UNC5D: variants seen among roughly 807,000 people sequenced by gnomAD.
The protein encoded by UNC5D is unc-5 netrin receptor D, also known as netrin receptor UNC5D.
In UNC5D, 39 loss-of-function variants were observed where a neutral mutation model predicts 105.4. That is an observed-to-expected ratio of 0.37 (90% CI 0.29 to 0.48). The LOEUF (loss-of-function observed/expected upper bound fraction) is 0.48, where lower values mean the gene tolerates loss of function less well. UNC5D is among the 20% of genes least tolerant of loss of function. UNC5D has a pLI of 0.98. For synonymous variants in UNC5D, 452 were observed against 450.4 expected (o/e 1.00, Z -0.04); for missense variants, 991 against 1,202.4 (o/e 0.82, Z 2.60).
At chr8:35,236,431 C>T (rs1802468055) in intron 1 of UNC5D, among the ~76,000 whole-genome samples, 3 of 152,236 alleles carry the variant, frequency 2.0e-5, no homozygotes, top group African/African-American at 4.8e-5. Context: ...GCCCGAGGTC[C>T]CAGCCAGCCC....
intron 1 of UNC5D, among the ~76,000 whole-genome samples, chr8:35,498,807 C>T (rs1282400650): frequency 1.3e-5 from 2 of 152,124 alleles, no homozygotes; most frequent in African/African-American, 4.8e-5. Context: ...GTGATTTACA[C>T]CATAGTTGGC....
chr8:35,341,407 G>A (rs1811444430), intron 1 of UNC5D, among the ~76,000 whole-genome samples: 1 of 151,176 alleles, frequency 6.6e-6, no homozygotes, highest in African/African-American at 2.4e-5. Flanking sequence ...GATCAGAAAA[G>A]CCGAAACCAG....
intron 4 of UNC5D, among the ~76,000 whole-genome samples, chr8:35,624,067 G>T (rs766327270): frequency 1.3e-5 from 2 of 151,960 alleles, no homozygotes; most frequent in Admixed American, 1.3e-4. Context: ...GCGACACAGC[G>T]AGACTCCACC....
intron 1 of UNC5D, among the ~76,000 whole-genome samples, chr8:35,382,077 G>A (rs1017494873): frequency 2.0e-5 from 3 of 152,142 alleles, no homozygotes; most frequent in African/African-American, 7.2e-5. Context: ...TTGTAATTAT[G>A]GATTGTTTCA....
chr8:35,523,085 GTT>G (rs200458289), intron 1 of UNC5D, among the ~76,000 whole-genome samples: 6 of 134,906 alleles, frequency 4.4e-5, no homozygotes, highest in Admixed American at 7.6e-5. Flanking sequence ...CATTGTATTA[GTT>G]TTTTTTTTTT....
intron 1 of UNC5D, among the ~76,000 whole-genome samples, chr8:35,251,749 G>T (rs1803711818): frequency 6.6e-6 from 1 of 152,102 alleles, no homozygotes; most frequent in Non-Finnish European, 1.5e-5. Flanking sequence ...ATGTGTCTTA[G>T]GTATTACATC....
At chr8:35,630,113 A>G (rs1290351560) in intron 4 of UNC5D, among the ~76,000 whole-genome samples, 1 of 152,208 alleles carries the variant, frequency 6.6e-6, no homozygotes, top group Non-Finnish European at 1.5e-5. Flanking sequence ...ACTTAATCCA[A>G]TGAAATAAGT....
At chr8:35,380,301 ACT>A (rs367705974) in intron 1 of UNC5D, among the ~76,000 whole-genome samples, 9 of 150,616 alleles carry the variant, frequency 6.0e-5, no homozygotes, top group African/African-American at 2.2e-4. Context: ...TGAGGACCCC[ACT>A]CTCTGCATTT....
At chr8:35,393,479 A>G (rs1803913989) in intron 1 of UNC5D, among the ~76,000 whole-genome samples, 1 of 151,774 alleles carries the variant, frequency 6.6e-6, no homozygotes, top group Admixed American at 6.6e-5. Context: ...TTCACTTGTC[A>G]CAATACTATT....
At chr8:35,723,693 C>T (rs1170236734) in intron 9 of UNC5D, among the ~76,000 whole-genome samples, 3 of 152,154 alleles carry the variant, frequency 2.0e-5, no homozygotes, top group African/African-American at 7.2e-5. Flanking sequence ...GAATGAGCTA[C>T]TGGGTCTGGT....
Position 35,699,663 on chromosome 8 carries a change from G to T in UNC5D, c.1085-6266G>T, listed in dbSNP as rs117572055. Among the ~76,000 whole-genome samples the T allele has an allele frequency of 3.9e-5, 6 of 152,230 alleles. 1 individual carries two copies. In the South Asian group the frequency reaches 8.3e-4, roughly 21 times the overall value. On this transcript the variant is annotated intron_variant, in intron 7 of 16. Transcript: ENST00000404895. ...CTCTGTGCTTGTCCTCCATGAGTACGCTCAGATTGCATTTTAAAAGGGGTA... is the reference window on the plus strand; with the variant it reads ...CTCTGTGCTTGTCCTCCATGAGTACTCTCAGATTGCATTTTAAAAGGGGTA...
At chr8:35,697,727 G>A (rs1826888401) in intron 7 of UNC5D, among the ~76,000 whole-genome samples, 1 of 152,040 alleles carries the variant, frequency 6.6e-6, no homozygotes, top group East Asian at 1.9e-4. Context: ...TATTGTTCTA[G>A]GTACTGGAAA....
chr8:35,310,927 A>T (rs1002648610), intron 1 of UNC5D, among the ~76,000 whole-genome samples: 1 of 152,214 alleles, frequency 6.6e-6, no homozygotes, highest in South Asian at 2.1e-4. Flanking sequence ...TAAAAGTAAG[A>T]CATAGTTAGC....
At chr8:35,538,673 G>T (rs766074757) in intron 1 of UNC5D, among the ~76,000 whole-genome samples, 25 of 151,796 alleles carry the variant, frequency 1.6e-4, no homozygotes, top group Non-Finnish European at 2.5e-4. Context: ...TGCTGAATTT[G>T]AAGGATATTT....
At chr8:35,625,461 CA>C (rs1475807548) in intron 4 of UNC5D, among the ~76,000 whole-genome samples, 1 of 152,176 alleles carries the variant, frequency 6.6e-6, no homozygotes, top group Admixed American at 6.5e-5. Flanking sequence ...ACATAAAATG[CA>C]AAGTTGCAAG....
At chr8:35,726,813 G>A (rs1401995290) in intron 10 of UNC5D, 3 of 435,356 alleles carry the variant, frequency 6.9e-6, no homozygotes, top group Non-Finnish European at 1.2e-5. Context: ...CAGGCTTTAA[G>A]CCCCTTTGGA....
chr8:35,564,640 G>A (rs190338173), intron 2 of UNC5D, among the ~76,000 whole-genome samples: 2 of 152,220 alleles, frequency 1.3e-5, no homozygotes, highest in East Asian at 3.9e-4. Context: ...GTGGTTTTTG[G>A]TTACACGGAT....
At position 35,298,586 on chromosome 8, in the gene UNC5D, GTTTTTTTTTT is replaced by G. The variant is rs35299004; in HGVS notation, c.103+62711_103+62720del. On this transcript the variant is annotated intron_variant, in intron 1 of 16. Coordinates refer to ENST00000404895, the MANE Select transcript of UNC5D (RefSeq NM_080872.4). ...CTTTTAATATTTTTGATTGTTGTAGGTTTTTTTTTTTTTTTTTTTTTGGATACTGCAAGGC... is the reference window on the plus strand; with the variant it reads ...CTTTTAATATTTTTGATTGTTGTAGGTTTTTTTTTTTGGATACTGCAAGGC... Among the ~76,000 whole-genome samples, 35 of 110,572 alleles carry G rather than the reference GTTTTTTTTTT, an allele frequency of 3.2e-4. 1 individual carries two copies. In the Admixed American group the frequency reaches 3.7e-3, roughly 12 times the overall value. 72.5% of individuals were successfully genotyped at this position (110,572 alleles called of 152,430 possible). A position where few individuals can be genotyped will look rare whatever the true frequency, so the allele number is the denominator to read the frequency against.
intron 1 of UNC5D, chr8:35,525,609 T>C (rs1037778775): frequency 7.4e-6 from 12 of 1,613,440 alleles, no homozygotes; most frequent in Non-Finnish European, 1.0e-5. Flanking sequence ...GATGTCTGCA[T>C]GGTTGGGCTT....
Sources: allele counts gnomAD v4.1 joint callset (sites outside exome capture counted in the v4.1 genomes callset), GRCh38; gene constraint gnomAD v4.1.1; transcripts MANE v1.5; gene names NCBI Gene and HGNC (gene_info 2026-07-23, HGNC 2026-07-21).